The following MYT1L variants were observed in gnomAD, a reference collection of about 807,000 sequenced individuals.
MYT1L encodes the protein myelin transcription factor 1 like, also known as myelin transcription factor 1-like protein.
Under a neutral mutation model 126.7 loss-of-function variants are expected in MYT1L, and 12 were observed. The ratio of observed to expected loss-of-function variants is 0.09; its 90% CI spans 0.06 to 0.15. MYT1L has a LOEUF of 0.15. Among genes scored for constraint, MYT1L ranks in the 10% least tolerant of loss-of-function variants. The pLI, the probability that MYT1L is intolerant of heterozygous loss-of-function variation, is 1.00. For synonymous variants in MYT1L, 541 were observed against 604.2 expected (o/e 0.90, Z 1.53); for missense variants, 979 against 1,585.2 (o/e 0.62, Z 6.49).
intron 2 of MYT1L, among the ~76,000 whole-genome samples, chr2:2,235,516 C>A (rs1307055188): frequency 1.3e-5 from 2 of 152,214 alleles, no homozygotes; most frequent in Non-Finnish European, 2.9e-5. Context: ...CTCCCTTGCT[C>A]CTGGGTCTCT....
At chr2:2,183,213 A>G (rs765649457) in intron 2 of MYT1L, among the ~76,000 whole-genome samples, 154 of 152,258 alleles carry the variant, frequency 1.0e-3, no homozygotes, top group Middle Eastern at 3.4e-3. Context: ...CCTCCCCTAG[A>G]GTAGTGAAGA....
intron 3 of MYT1L, among the ~76,000 whole-genome samples, chr2:2,106,758 T>C (rs758335687): frequency 2.6e-5 from 4 of 152,186 alleles, no homozygotes; most frequent in Non-Finnish European, 5.9e-5. Context: ...AAATGAAATT[T>C]GAAAAATGTA....
chr2:1,952,912 C>CCCTTCCTTCCCTTCCCT lies in MYT1L; in HGVS notation c.153-9595_153-9579dup, dbSNP rs1257522630. On this transcript the variant is annotated intron_variant, in intron 8 of 24. Coordinates refer to ENST00000647738, the MANE Select transcript of MYT1L (RefSeq NM_001303052.2). Reference sequence around the variant, plus strand: ...CTTCCCTCCTTCTTTCCCTTCCTCTCCCTTCCTTCCCTTCCCTCCTTCCTT... The same window carrying CCCTTCCTTCCCTTCCCT: ...CTTCCCTCCTTCTTTCCCTTCCTCTCCCTTCCTTCCCTTCCCTCCTTCCTTCCCTTCCCTCCTTCCTT... 1.7e-4 allele frequency among the ~76,000 whole-genome samples: 17 copies of CCCTTCCTTCCCTTCCCT among 102,292 alleles called. 1 individual carries two copies. Among genetic ancestry groups the CCCTTCCTTCCCTTCCCT allele is most frequent in the African/African-American group, 7.6e-4 (16 of 21,078 alleles). The allele number at this position is 102,292 out of a possible 152,430, so 67.1% of individuals were successfully genotyped here.
intron 3 of MYT1L, among the ~76,000 whole-genome samples, chr2:2,157,848 C>T (rs1221998301): frequency 2.0e-5 from 3 of 152,138 alleles, no homozygotes; most frequent in African/African-American, 7.2e-5. Context: ...GTGCAGCAGT[C>T]AGCATCTCTC....
intron 4 of MYT1L, among the ~76,000 whole-genome samples, chr2:2,029,509 T>G (rs915038413): frequency 6.6e-5 from 10 of 152,136 alleles, no homozygotes; most frequent in African/African-American, 1.4e-4. Context: ...GGGAAACCAC[T>G]CCCATGATTC....
intron 1 of MYT1L, among the ~76,000 whole-genome samples, chr2:2,330,032 T>G (rs1486136422): frequency 6.6e-6 from 1 of 152,056 alleles, no homozygotes; most frequent in East Asian, 1.9e-4. Flanking sequence ...AATTACATTT[T>G]TATCTGTATG....
intron 2 of MYT1L, among the ~76,000 whole-genome samples, chr2:2,229,017 C>T (rs769012326): frequency 5.3e-5 from 8 of 152,098 alleles, no homozygotes; most frequent in African/African-American, 9.7e-5. Flanking sequence ...AGCAAACAGC[C>T]GGTTGAGAAC....
chr2:1,952,728 C>CTTCT (rs2057901078), intron 8 of MYT1L, among the ~76,000 whole-genome samples: 1 of 33,636 alleles, frequency 3.0e-5, no homozygotes, highest in Non-Finnish European at 5.9e-5. Context: ...CCTTCCTTCC[C>CTTCT]TTCCCTCCTT....
At chr2:1,796,767 C>A (rs2033613653) in intron 23 of MYT1L, among the ~76,000 whole-genome samples, 1 of 152,116 alleles carries the variant, frequency 6.6e-6, no homozygotes, top group South Asian at 2.1e-4. Flanking sequence ...CTCCACCTCC[C>A]GTGTCTGCAG....
chr2:2,315,405 G>T (rs2149643305), intron 1 of MYT1L, among the ~76,000 whole-genome samples: 1 of 152,148 alleles, frequency 6.6e-6, no homozygotes, highest in South Asian at 2.1e-4. Context: ...TGGGGGTTTG[G>T]TTTCTTAAAC....
At chr2:2,026,214 T>G (rs928811524) in intron 4 of MYT1L, among the ~76,000 whole-genome samples, 1 of 152,222 alleles carries the variant, frequency 6.6e-6, no homozygotes, top group Non-Finnish European at 1.5e-5. Context: ...CTTCACCCTA[T>G]GCCATATGAC....
intron 3 of MYT1L, among the ~76,000 whole-genome samples, chr2:2,157,864 G>T (rs2148386476): frequency 6.6e-6 from 1 of 152,244 alleles, no homozygotes; most frequent in Non-Finnish European, 1.5e-5. Context: ...CTCTCAAAGG[G>T]TAGATCCAGT....
intron 1 of MYT1L, chr2:2,323,878 C>G (rs1370318806): frequency 6.6e-6 from 1 of 152,166 alleles, no homozygotes; most frequent in South Asian, 2.1e-4. Flanking sequence ...CTAATTATGT[C>G]TGGGCTTTAA....
chr2:2,315,620 T>G (rs867416524), intron 1 of MYT1L, among the ~76,000 whole-genome samples: 1 of 152,142 alleles, frequency 6.6e-6, no homozygotes, highest in South Asian at 2.1e-4. Flanking sequence ...CCTGATAGTC[T>G]GTTTTTATTA....
rs539848722 is a variant in MYT1L at position 2,224,889 on chromosome 2, A to G, written c.-420-51901T>C. The stretch of plus-strand genomic sequence containing the variant: ...AAAGGTCTTAACCAGGGCTAGCCTT[A>G]TGCTTGTGTGCTGGGCAGTCATACG... On this transcript the variant is annotated intron_variant, in intron 2 of 24. Transcript: ENST00000647738. This position sits in a 1 kb window ranked among gnomAD's most constrained non-coding sequence, Gnocchi z 4.0. Among the ~76,000 whole-genome samples, 1 of 151,802 alleles carries G rather than the reference A, an allele frequency of 6.6e-6. No homozygotes were observed. Among genetic ancestry groups the G allele is most frequent in the Non-Finnish European group, 1.5e-5 (1 of 67,998 alleles).
chr2:2,186,897 T>TA (rs2092251308), intron 2 of MYT1L, among the ~76,000 whole-genome samples: 2 of 152,226 alleles, frequency 1.3e-5, no homozygotes, highest in South Asian at 4.1e-4. Flanking sequence ...GGCACTGATT[T>TA]AAAAAGATCT....
At chr2:2,193,351 C>T (rs1473881511) in intron 2 of MYT1L, among the ~76,000 whole-genome samples, 1 of 152,130 alleles carries the variant, frequency 6.6e-6, no homozygotes, top group South Asian at 2.1e-4. Context: ...GAAAACAACA[C>T]TTTTGTCAAA....
intron 22 of MYT1L, among the ~76,000 whole-genome samples, chr2:1,807,458 G>A (rs751464904): frequency 6.6e-6 from 1 of 152,176 alleles, no homozygotes; most frequent in African/African-American, 2.4e-5. Context: ...TACAGCAGGA[G>A]GGTGCCAGGT....
intron 2 of MYT1L, among the ~76,000 whole-genome samples, chr2:2,209,980 A>T (rs1019079263): frequency 2.6e-5 from 4 of 152,096 alleles, no homozygotes; most frequent in African/African-American, 9.7e-5. Flanking sequence ...GATATAAGCC[A>T]TTTTAAGTGG....
Sources: allele counts gnomAD v4.1 joint callset (sites outside exome capture counted in the v4.1 genomes callset), GRCh38; gene constraint gnomAD v4.1.1; non-coding constraint Gnocchi (gnomAD v3.1); transcripts MANE v1.5; gene names NCBI Gene and HGNC (gene_info 2026-07-23, HGNC 2026-07-21).